Variants in ERBB4 observed in about 807,000 individuals in gnomAD.
ERBB4 encodes the protein erb-b2 receptor tyrosine kinase 4, also known as receptor tyrosine-protein kinase erbB-4.
A neutral mutation model predicts 158.0 loss-of-function variants in ERBB4; 42 were observed. The observed-to-expected ratio is 0.27, with a 90% CI of 0.21 to 0.34. ERBB4 has a LOEUF of 0.34. ERBB4 is among the 10% of genes least tolerant of loss of function. The pLI, the probability that ERBB4 is intolerant of heterozygous loss-of-function variation, is 1.00. For synonymous variants in ERBB4, 583 were observed against 558.7 expected, an observed-to-expected ratio of 1.04 and a Z score of -0.61; for missense variants, 1,333 against 1,624.1, an observed-to-expected ratio of 0.82 and a Z score of 3.08.
rs781707288 is a variant in ERBB4, at chr2:211,658,013, T to C, written c.1872-185A>G. ...TATGCACCTGCAGAAAATGCAAATT[T>C]AAAAAAATACAAGGGGAAAAAATTA... On this transcript the variant is annotated intron_variant, in intron 15 of 27. Coordinates refer to ENST00000342788, the MANE Select transcript of ERBB4 (RefSeq NM_005235.3). 43 of 1,582,378 alleles carry C rather than the reference T, an allele frequency of 2.7e-5. No homozygotes were observed. In the East Asian group the frequency reaches 9.7e-4, roughly 36 times the overall value.
At chr2:212,407,328 T>G (rs2091375514) in intron 1 of ERBB4, among the ~76,000 whole-genome samples, 1 of 152,014 alleles carries the variant, frequency 6.6e-6, no homozygotes, top group South Asian at 2.1e-4. Flanking sequence ...ATTGAGTGCT[T>G]AATAACTGTC....
intron 20 of ERBB4, among the ~76,000 whole-genome samples, chr2:211,555,826 C>T (rs1354232521): frequency 6.6e-6 from 1 of 152,096 alleles, no homozygotes; most frequent in African/African-American, 2.4e-5. Flanking sequence ...GAAGGAGGCA[C>T]TAAATGTGGA....
chr2:211,703,693 G>C (rs1023725137), intron 11 of ERBB4, among the ~76,000 whole-genome samples: 6 of 152,118 alleles, frequency 3.9e-5, no homozygotes, highest in African/African-American at 1.4e-4. Flanking sequence ...TCAGCCCTGT[G>C]ACGTGTAGTT....
At chr2:211,820,366 A>G (rs2076967890) in intron 3 of ERBB4, among the ~76,000 whole-genome samples, 1 of 151,960 alleles carries the variant, frequency 6.6e-6, no homozygotes, top group South Asian at 2.1e-4. Flanking sequence ...CATACAACCT[A>G]CCAAGATTGA....
chr2:211,696,555 C>T (rs1367047086), intron 12 of ERBB4, among the ~76,000 whole-genome samples: 3 of 152,102 alleles, frequency 2.0e-5, no homozygotes, highest in African/African-American at 7.2e-5. Context: ...GAGATTAAAA[C>T]CCAGGCCATT....
chr2:212,464,667 A>G (rs1218192122), intron 1 of ERBB4, among the ~76,000 whole-genome samples: 2 of 152,070 alleles, frequency 1.3e-5, no homozygotes, highest in Non-Finnish European at 2.9e-5. Context: ...TATATATTTT[A>G]AGCAACTATG....
chr2:211,903,224 C>T (rs866672589), intron 3 of ERBB4, among the ~76,000 whole-genome samples: 3 of 152,042 alleles, frequency 2.0e-5, no homozygotes, highest in Middle Eastern at 6.8e-3. Flanking sequence ...AGTAATTAAC[C>T]AATATGTGAT....
At chr2:211,517,024 G>C (rs2066053019) in intron 20 of ERBB4, among the ~76,000 whole-genome samples, 1 of 152,108 alleles carries the variant, frequency 6.6e-6, no homozygotes. Context: ...TGCTCCTACA[G>C]TGGAAAAAGC....
At chr2:212,383,638 A>T (rs1252814378) in intron 1 of ERBB4, among the ~76,000 whole-genome samples, 4 of 151,772 alleles carry the variant, frequency 2.6e-5, no homozygotes, top group Admixed American at 2.0e-4. Flanking sequence ...TTTAGATGTT[A>T]AATCTGCTAG....
intron 20 of ERBB4, among the ~76,000 whole-genome samples, chr2:211,452,721 G>T (rs1559182517): frequency 6.6e-6 from 1 of 151,834 alleles, no homozygotes; most frequent in Non-Finnish European, 1.5e-5. Flanking sequence ...TCTTCTTCAG[G>T]TCTATACATT....
intron 2 of ERBB4, among the ~76,000 whole-genome samples, chr2:212,020,747 T>C (rs545591529): frequency 6.6e-6 from 1 of 152,284 alleles, no homozygotes; most frequent in East Asian, 1.9e-4. Flanking sequence ...TTTACTGATA[T>C]TTGTCTTCCA....
chr2:211,407,003 C>T (rs2063160995), intron 25 of ERBB4, among the ~76,000 whole-genome samples: 1 of 152,036 alleles, frequency 6.6e-6, no homozygotes, highest in African/African-American at 2.4e-5. Flanking sequence ...TTGCTTGATC[C>T]CAGAGTGGGG....
intron 3 of ERBB4, among the ~76,000 whole-genome samples, chr2:211,831,058 A>T (rs1180779918): frequency 6.6e-6 from 1 of 152,192 alleles, no homozygotes; most frequent in African/African-American, 2.4e-5. Flanking sequence ...TTAAATACAG[A>T]GGGATAGAAA....
intron 20 of ERBB4, among the ~76,000 whole-genome samples, chr2:211,474,907 A>G (rs1047968401): frequency 6.6e-6 from 1 of 152,022 alleles, no homozygotes; most frequent in Non-Finnish European, 1.5e-5. Flanking sequence ...AAGTAGAAAC[A>G]TGGAGTGCAA....
At chr2:212,209,856 T>G (rs2082877110) in intron 1 of ERBB4, among the ~76,000 whole-genome samples, 1 of 152,096 alleles carries the variant, frequency 6.6e-6, no homozygotes, top group Non-Finnish European at 1.5e-5. Context: ...GTATGTTGTT[T>G]CCCATCCAAT....
intron 3 of ERBB4, among the ~76,000 whole-genome samples, chr2:211,856,095 A>G (rs78874153): frequency 6.6e-6 from 1 of 152,330 alleles, no homozygotes; most frequent in East Asian, 1.9e-4. Flanking sequence ...AATTGCATTT[A>G]TACTTCTTAA....
At chr2:211,674,916 C>T (rs1488138326) in intron 13 of ERBB4, among the ~76,000 whole-genome samples, 1 of 152,122 alleles carries the variant, frequency 6.6e-6, no homozygotes, top group Non-Finnish European at 1.5e-5. Context: ...CCAAAACCCA[C>T]TTCCCCACAC....
intron 25 of ERBB4, among the ~76,000 whole-genome samples, chr2:211,391,132 C>A (rs1357992205): frequency 6.6e-6 from 1 of 152,126 alleles, no homozygotes; most frequent in Non-Finnish European, 1.5e-5. Flanking sequence ...ACTTGAGAGC[C>A]AAGCCAGATT....
chr2:212,470,093 G>T (rs17259910), intron 1 of ERBB4, among the ~76,000 whole-genome samples: 1 of 151,620 alleles, frequency 6.6e-6, no homozygotes, highest in African/African-American at 2.4e-5. Context: ...TTAAATGTCC[G>T]GTTTGTCTGT....
Sources: allele counts gnomAD v4.1 joint callset (sites outside exome capture counted in the v4.1 genomes callset), GRCh38; gene constraint gnomAD v4.1.1; transcripts MANE v1.5; gene names NCBI Gene and HGNC (gene_info 2026-07-23, HGNC 2026-07-21).